SCN9A: variants seen among roughly 807,000 people sequenced by gnomAD.
SCN9A encodes the protein sodium voltage-gated channel alpha subunit 9, also known as sodium channel protein type 9 subunit alpha.
SCN9A carries 131 observed loss-of-function variants against 187.0 expected under a neutral mutation model. That is an observed-to-expected ratio of 0.70 (90% confidence interval 0.61 to 0.81). The LOEUF (loss-of-function observed/expected upper bound fraction) is 0.81, where lower values mean the gene tolerates loss of function less well. SCN9A is among the 30% of genes least tolerant of loss of function. The probability of loss-of-function intolerance (pLI) is 0.00; values close to 1 mark genes in which losing one functional copy is unlikely to be tolerated. For missense variants in SCN9A, 2,252 were observed against 2,396.6 expected, an observed-to-expected ratio of 0.94 and a Z score of 1.26; for synonymous variants, 809 against 808.6, an observed-to-expected ratio of 1.00 and a Z score of -0.01.
At chr2:166,357,942 C>T (rs1172939035) in intron 1 of SCN9A, among the ~76,000 whole-genome samples, 1 of 152,092 alleles carries the variant, frequency 6.6e-6, no homozygotes, top group Non-Finnish European at 1.5e-5. Flanking sequence ...TCTCCCCAAA[C>T]AATGTGTCAG....
At chr2:166,295,211 T>C (rs1453101543) in intron 7 of SCN9A, among the ~76,000 whole-genome samples, 1 of 152,128 alleles carries the variant, frequency 6.6e-6, no homozygotes, top group East Asian at 1.9e-4. Flanking sequence ...AGATGGCCAG[T>C]GTGGCTACAG....
At chr2:166,286,243 A>T in intron 11 of SCN9A, 93 bp downstream of exon 11, 1 of 1,206,350 alleles carries the variant, frequency 8.3e-7, no homozygotes, top group Non-Finnish European at 1.2e-6. Flanking sequence ...GAAATCACTC[A>T]CTATCCTCTC....
At chr2:166,340,031 A>G (rs16851935) in intron 1 of SCN9A, among the ~76,000 whole-genome samples, 12,061 of 152,144 alleles carry the variant, frequency 0.079, 1,483 homozygotes, top group African/African-American at 0.26. Context: ...GAGGGGATGA[A>G]GTAAGGCAGG....
intron 12 of SCN9A, among the ~76,000 whole-genome samples, chr2:166,282,580 TCA>T (rs1697538330): frequency 6.6e-6 from 1 of 151,822 alleles, no homozygotes; most frequent in Non-Finnish European, 1.5e-5. Flanking sequence ...ACACACACAC[TCA>T]CACACACATA....
At chr2:166,363,068 T>A (rs939946124) in intron 1 of SCN9A, among the ~76,000 whole-genome samples, 6 of 152,010 alleles carry the variant, frequency 3.9e-5, no homozygotes, top group Non-Finnish European at 8.8e-5. Flanking sequence ...AAGAAATATC[T>A]GTGGTATAAA....
In SCN9A at chr2:166,195,710, C is replaced by CA. The variant is rs1166753258; in HGVS notation, c.*2961dup. 1 of 152,130 alleles carries CA rather than the reference C, an allele frequency of 6.6e-6. No homozygotes were observed. The highest frequency in any genetic ancestry group is 2.4e-5 in the African/African-American group (1 of 41,418). The allele number at this position is 152,130 out of a possible 1,614,324, so 9.4% of individuals were successfully genotyped here. On this transcript the variant is annotated 3_prime_UTR_variant, in exon 27 of 27. Coordinates refer to ENST00000642356, the MANE Select transcript of SCN9A (RefSeq NM_001365536.1). ...AATCTTTTGCAAACTAGGTAACTAT[C>CA]AAAAAGCTAAAATTAGGTTCTCTAA... is the stretch of plus-strand genomic sequence containing the variant.
At chr2:166,306,876 G>A in intron 3 of SCN9A, 80 bp downstream of exon 3, 1 of 765,648 alleles carries the variant, frequency 1.3e-6, no homozygotes, top group Middle Eastern at 3.2e-4. Context: ...GGTGCAAAAG[G>A]TATAACATCT....
chr2:166,276,454 T>C (rs1044067220), intron 16 of SCN9A: 29 of 152,344 alleles, frequency 1.9e-4, no homozygotes, highest in African/African-American at 7.0e-4. Flanking sequence ...CATTTATTCT[T>C]CTTTTGATTA....
chr2:166,349,272 T>C (rs1022558644), intron 1 of SCN9A, among the ~76,000 whole-genome samples: 1 of 152,128 alleles, frequency 6.6e-6, no homozygotes, highest in Non-Finnish European at 1.5e-5. Flanking sequence ...AATCAATAAA[T>C]ACTTATTCAG....
chr2:166,281,279 A>C (rs566104579), intron 13 of SCN9A, among the ~76,000 whole-genome samples: 1 of 152,280 alleles, frequency 6.6e-6, no homozygotes, highest in East Asian at 1.9e-4. Flanking sequence ...GCTTATTAGA[A>C]GAGACAATTT....
chr2:166,236,790 A>T (rs910889492), intron 20 of SCN9A, among the ~76,000 whole-genome samples: 8 of 152,150 alleles, frequency 5.3e-5, no homozygotes, highest in Admixed American at 5.2e-4. Context: ...AATATGACTA[A>T]TTTGGTAACA....
chr2:166,232,953 T>C (rs1695153953), intron 21 of SCN9A, among the ~76,000 whole-genome samples: 1 of 147,518 alleles, frequency 6.8e-6, no homozygotes, highest in Non-Finnish European at 1.5e-5. Flanking sequence ...TTTTTAGTAA[T>C]ATACTATTTA....
At chr2:166,294,134 T>C (rs1239733715) in intron 8 of SCN9A, among the ~76,000 whole-genome samples, 1 of 152,202 alleles carries the variant, frequency 6.6e-6, no homozygotes, top group Admixed American at 6.5e-5. Context: ...ATATATACAA[T>C]ATTCTTAAAA....
chr2:166,240,170 A>G (rs1483252505), intron 19 of SCN9A, among the ~76,000 whole-genome samples: 1 of 152,188 alleles, frequency 6.6e-6, no homozygotes, highest in East Asian at 1.9e-4. Context: ...TAAGCAAAAT[A>G]TCATAATCTC....
chr2:166,234,301 G>A (rs1695218847), intron 20 of SCN9A, among the ~76,000 whole-genome samples: 1 of 152,122 alleles, frequency 6.6e-6, no homozygotes, highest in South Asian at 2.1e-4. Context: ...TAGTTCCATG[G>A]AAAATATTCA....
intron 18 of SCN9A, among the ~76,000 whole-genome samples, chr2:166,245,085 T>G (rs1015739853): frequency 1.3e-5 from 2 of 152,066 alleles, no homozygotes; most frequent in East Asian, 3.9e-4. Context: ...GCTTCTTCAT[T>G]TCTTTTTTAT....
intron 17 of SCN9A, among the ~76,000 whole-genome samples, chr2:166,261,246 C>T (rs1696489403): frequency 6.6e-6 from 1 of 151,854 alleles, no homozygotes; most frequent in South Asian, 2.1e-4. Context: ...CCAAGAGAAT[C>T]CAGATTTTAT....
intron 1 of SCN9A, among the ~76,000 whole-genome samples, chr2:166,336,163 T>C (rs1699621667): frequency 6.6e-6 from 1 of 152,072 alleles, no homozygotes. Flanking sequence ...GGTGTTCCCT[T>C]AGCCAAACCT....
intron 24 of SCN9A, among the ~76,000 whole-genome samples, chr2:166,208,585 G>A (rs2106354231): frequency 6.6e-6 from 1 of 152,128 alleles, no homozygotes; most frequent in South Asian, 2.1e-4. Flanking sequence ...ACTCATTAAT[G>A]ACTTTTGTTC....
Sources: allele counts gnomAD v4.1 joint callset (sites outside exome capture counted in the v4.1 genomes callset), GRCh38; gene constraint gnomAD v4.1.1; transcripts MANE v1.5; gene names NCBI Gene and HGNC (gene_info 2026-07-23, HGNC 2026-07-21).